The following CALCR variants were observed in gnomAD, a reference collection of about 807,000 sequenced individuals.
CALCR encodes calcitonin receptor.
Under a neutral mutation model 59.5 loss-of-function variants are expected in CALCR, and 47 were observed. The observed-to-expected ratio is 0.79, with a 90% CI of 0.63 to 1.01. CALCR has a LOEUF of 1.01. Among genes scored for constraint, CALCR ranks in the 50% least tolerant of loss-of-function variants. CALCR has a pLI of 0.00. For missense variants in CALCR, 566 were observed against 597.1 expected (o/e 0.95, Z 0.54); for synonymous variants, 213 against 211.3 (o/e 1.01, Z -0.07).
At chr7:93,489,373 A>G (rs1477832206) in intron 2 of CALCR, among the ~76,000 whole-genome samples, 1 of 152,006 alleles carries the variant, frequency 6.6e-6, no homozygotes, top group African/African-American at 2.4e-5. Flanking sequence ...GCAAAAGCAA[A>G]CTAATCCAAA....
intron 2 of CALCR, among the ~76,000 whole-genome samples, chr7:93,519,459 T>G (rs1801713563): frequency 6.6e-6 from 1 of 152,082 alleles, no homozygotes; most frequent in Non-Finnish European, 1.5e-5. Context: ...TACAATTAGG[T>G]AAATGATAGT....
intron 5 of CALCR, among the ~76,000 whole-genome samples, chr7:93,476,175 ATTGT>A (rs1327231120): frequency 3.3e-5 from 5 of 151,784 alleles, no homozygotes; most frequent in South Asian, 2.1e-4. Context: ...TGCCATTAAA[ATTGT>A]TTGTTTGTCT....
At chr7:93,495,534 C>T (rs1684096476) in intron 2 of CALCR, among the ~76,000 whole-genome samples, 1 of 151,366 alleles carries the variant, frequency 6.6e-6, no homozygotes, top group African/African-American at 2.4e-5. Context: ...CTAATTTCTG[C>T]TTCTCCCTTT....
At chr7:93,436,302 A>G in intron 11 of CALCR, 132 bp from the exon 12 acceptor site, 1 of 704,008 alleles carries the variant, frequency 1.4e-6, no homozygotes, top group Non-Finnish European at 2.4e-6. Flanking sequence ...TCTACCTGAG[A>G]GGTAGCACAA....
At chr7:93,467,781 C>A (rs1800470412) in intron 7 of CALCR, among the ~76,000 whole-genome samples, 1 of 151,210 alleles carries the variant, frequency 6.6e-6, no homozygotes, top group African/African-American at 2.4e-5. Context: ...TCTGTGATAC[C>A]ACCATGACTA....
At chr7:93,511,101 A>G (rs1434025396) in intron 2 of CALCR, among the ~76,000 whole-genome samples, 1 of 151,488 alleles carries the variant, frequency 6.6e-6, no homozygotes, top group Non-Finnish European at 1.5e-5. Flanking sequence ...CTCTCTACAT[A>G]TATATATATA....
chr7:93,426,362 A>G lies in CALCR; in HGVS notation c.1419T>C (p.Ser473=), dbSNP rs1799525738. The change falls in exon 14 of 14, where the codon TCT becomes TCC. Residue 473 remains serine, a synonymous_variant. Coordinates refer to ENST00000426151, the MANE Select transcript of CALCR (RefSeq NM_001742.4). ...TGCTGTGTTTGCTTCACATTCAAGCAGATGACTCTTGCTCTATGATATTCA... is the reference window on the plus strand; with the variant it reads ...TGCTGTGTTTGCTTCACATTCAAGCGGATGACTCTTGCTCTATGATATTCA... The part of the protein sequence containing the change: ...IPLNIIEQES[S]A 2.5e-6 allele frequency: 4 copies of G among 1,573,826 alleles called. No individual in the cohort carries two copies. The highest frequency in any genetic ancestry group is 3.5e-6 in the Non-Finnish European group (4 of 1,143,694).
intron 2 of CALCR, among the ~76,000 whole-genome samples, chr7:93,520,338 T>C (rs1801736080): frequency 6.6e-6 from 1 of 152,110 alleles, no homozygotes; most frequent in Non-Finnish European, 1.5e-5. Context: ...TAATTTTTAC[T>C]TTCTTGACAG....
chr7:93,564,251 G>C (rs75253068), intron 2 of CALCR, among the ~76,000 whole-genome samples: 3 of 151,432 alleles, frequency 2.0e-5, no homozygotes, highest in Non-Finnish European at 2.9e-5. Flanking sequence ...GTGAATGTGT[G>C]GGGGGGGACA....
chr7:93,473,848 T>C (rs955072683), intron 5 of CALCR, among the ~76,000 whole-genome samples: 1 of 151,736 alleles, frequency 6.6e-6, no homozygotes, highest in Admixed American at 6.6e-5. Flanking sequence ...TTTTGTGTGA[T>C]ATATTCAGTG....
At chr7:93,522,030 C>A (rs200821847) in intron 2 of CALCR, among the ~76,000 whole-genome samples, 1 of 151,950 alleles carries the variant, frequency 6.6e-6, no homozygotes, top group African/African-American at 2.4e-5. Context: ...AACAATAGTT[C>A]AAAGATAACT....
At chr7:93,492,440 G>A (rs1290744648) in intron 2 of CALCR, among the ~76,000 whole-genome samples, 1 of 151,184 alleles carries the variant, frequency 6.6e-6, no homozygotes, top group Non-Finnish European at 1.5e-5. Flanking sequence ...TCCCCAAAAG[G>A]GTAAATTCTA....
intron 2 of CALCR, among the ~76,000 whole-genome samples, chr7:93,559,125 T>G (rs1341017681): frequency 6.6e-6 from 1 of 152,134 alleles, no homozygotes; most frequent in African/African-American, 2.4e-5. Flanking sequence ...AAAGGGAAGT[T>G]TGAAAAATTA....
At chr7:93,474,954 A>C (rs974435672) in intron 5 of CALCR, among the ~76,000 whole-genome samples, 3 of 151,780 alleles carry the variant, frequency 2.0e-5, no homozygotes, top group African/African-American at 7.2e-5. Context: ...TAAAAGGCTA[A>C]GGAAATAACA....
chr7:93,555,278 T>C (rs1167093846), intron 2 of CALCR, among the ~76,000 whole-genome samples: 1 of 152,140 alleles, frequency 6.6e-6, no homozygotes, highest in Non-Finnish European at 1.5e-5. Flanking sequence ...TATCTGATCA[T>C]GCTCCAGCAA....
intron 11 of CALCR, among the ~76,000 whole-genome samples, chr7:93,437,523 G>C (rs1211073526): frequency 6.6e-6 from 1 of 152,130 alleles, no homozygotes; most frequent in Non-Finnish European, 1.5e-5. Context: ...GTAGATGATA[G>C]AGCTAAGACA....
At chr7:93,568,476 C>G (rs961111189) in intron 2 of CALCR, among the ~76,000 whole-genome samples, 1 of 150,516 alleles carries the variant, frequency 6.6e-6, no homozygotes, top group African/African-American at 2.4e-5. Context: ...CATGAGTGCT[C>G]GCTTTCTCCT....
chr7:93,429,992 C>T (rs946123679), intron 13 of CALCR, among the ~76,000 whole-genome samples: 28 of 140,546 alleles, frequency 2.0e-4, no homozygotes, highest in African/African-American at 7.4e-4. Context: ...AGTGCAGTGG[C>T]GCAATCTCGG....
chr7:93,459,870 G>A (rs944387249), intron 8 of CALCR, among the ~76,000 whole-genome samples: 1 of 152,116 alleles, frequency 6.6e-6, no homozygotes, highest in Non-Finnish European at 1.5e-5. Flanking sequence ...GTTCTCTATA[G>A]TACTCAAATA....
Sources: gnomAD v4.1 joint callset for allele counts (sites outside exome capture counted in the v4.1 genomes callset) on GRCh38, gnomAD v4.1.1 for gene constraint, MANE v1.5 for transcripts, NCBI Gene and HGNC (gene_info 2026-07-23, HGNC 2026-07-21) for gene names.